The following ABCB4 variants were observed in gnomAD, a reference collection of about 807,000 sequenced individuals.
ABCB4 encodes ATP binding cassette subfamily B member 4.
ABCB4 carries 76 observed loss-of-function variants against 145.7 expected under a neutral mutation model. The observed-to-expected ratio is 0.52, with a 90% CI of 0.43 to 0.63. ABCB4 has a LOEUF of 0.63. Ranked by LOEUF, ABCB4 falls within the 30% of genes least tolerant of loss-of-function variation. The pLI is 0.00. For missense variants in ABCB4, 1,234 were observed against 1,553.1 expected (o/e 0.79, Z 3.45); for synonymous variants, 517 against 566.8 (o/e 0.91, Z 1.25).
the ABCB4 span, chr7:87,381,831 C>A: frequency 1.1e-6 from 1 of 945,282 alleles, no homozygotes; most frequent in Non-Finnish European, 1.6e-6. Flanking sequence ...TAAGAATGGA[C>A]ACAAAGTGAA....
chr7:87,384,403 A>T, the ABCB4 span, among the ~76,000 whole-genome samples: 1 of 152,222 alleles, frequency 6.6e-6, no homozygotes, highest in East Asian at 1.9e-4. Context: ...GTAGGGGCAC[A>T]TATCTGTACC....
chr7:87,443,406 C>T lies in ABCB4; in HGVS notation c.1269G>A (p.Gln423=), dbSNP rs762940965. The T allele has an allele frequency of 1.9e-6, 3 of 1,614,096 alleles. No individual in the cohort carries two copies. Among genetic ancestry groups the T allele is most frequent in the Non-Finnish European group, 2.5e-6 (3 of 1,180,014 alleles). The change falls in exon 12 of 28, where the codon CAG becomes CAA. Residue 423 remains glutamine, a synonymous_variant. Coordinates refer to ENST00000649586, the MANE Select transcript of ABCB4 (RefSeq NM_000443.4). ...KGLNLKVQSG[Q]TVALVGSSGC... ...CACTACTTCCAACCAGGGCCACCGT[C>T]TGCCCACTCTGCACCTTCAGGTTGA... is the stretch of plus-strand genomic sequence containing the variant.
intron 4 of ABCB4, among the ~76,000 whole-genome samples, chr7:87,454,994 C>T (rs1472636651): frequency 4.1e-5 from 6 of 147,242 alleles, no homozygotes; most frequent in African/African-American, 1.6e-4. Flanking sequence ...ATTTAAGAGG[C>T]ATTTTTTTTT....
intron 4 of ABCB4, among the ~76,000 whole-genome samples, chr7:87,459,325 T>G (rs1261192710): frequency 6.6e-6 from 1 of 152,132 alleles, no homozygotes; most frequent in Non-Finnish European, 1.5e-5. Context: ...CAACCCCTAT[T>G]AACCACCATT....
rs45490091 is a variant in ABCB4, at chr7:87,430,454, G to A, written c.1893+950C>T. Among the ~76,000 whole-genome samples the A allele has an allele frequency of 3.9e-3, 593 of 152,242 alleles. 4 individuals carry two copies. The highest frequency in any genetic ancestry group is 0.013 in the African/African-American group (555 of 41,552). ...CTCAAGTGACTGAGTATAATAACAT[G>A]TCTTAATAATATGAAAAACCAATCA... On this transcript the variant is annotated intron_variant, in intron 15 of 27. Coordinates refer to ENST00000649586, the MANE Select transcript of ABCB4 (RefSeq NM_000443.4).
At chr7:87,440,481 C>T in intron 12 of ABCB4, 79 bp from the exon 13 acceptor site, 2 of 1,220,724 alleles carry the variant, frequency 1.6e-6, no homozygotes, top group East Asian at 2.5e-5. Context: ...GAAAAACATC[C>T]TACCTAATAT....
At chr7:87,443,190 G>A (rs1386086727) in intron 12 of ABCB4, 129 bp downstream of exon 12, 18 of 1,177,064 alleles carry the variant, frequency 1.5e-5, no homozygotes, top group South Asian at 4.9e-5. Context: ...ATTATCCATC[G>A]GCATTGCCAT....
rs772833262 is a variant in ABCB4 at position 87,411,993 on chromosome 7, T to C, written c.2824A>G (p.Ser942Gly). ...QKAHIYGITF[S>G]ISQAFMYFSY... Reference sequence around the variant, plus strand: ...AAATACATAAATGCTTGTGAGATACTAAAAGTAATTCCATAGATGTGTGCC... The same window carrying C: ...AAATACATAAATGCTTGTGAGATACCAAAAGTAATTCCATAGATGTGTGCC... Residue 942 changes from serine (S) to glycine (G), a missense_variant, in exon 23 of 28, where the codon AGT (serine) becomes GGT (glycine). Transcript: ENST00000649586. The C allele has an allele frequency of 6.2e-7, 1 of 1,613,890 alleles. No homozygotes were observed. The highest frequency in any genetic ancestry group is 8.5e-7 in the Non-Finnish European group (1 of 1,179,808).
chr7:87,444,899 C>T lies in ABCB4; in HGVS notation c.1082G>A (p.Arg361Lys). Residue 361 changes from arginine (R) to lysine (K), a missense_variant, in exon 10 of 28, where the codon AGA (arginine) becomes AAA (lysine). By Grantham distance (26) the Arg-to-Lys change is conservative. Coordinates refer to ENST00000649586, the MANE Select transcript of ABCB4 (RefSeq NM_000443.4). ...ATCAAAGATCACATATGCTGCTCCT[C>T]TTGCATTGGCAAAAGCATCAATACA... ...APCIDAFANA[R>K]GAAYVIFDII... 1 of 1,609,422 alleles carries T rather than the reference C, an allele frequency of 6.2e-7. No individual in the cohort carries two copies. The highest frequency in any genetic ancestry group is 8.5e-7 in the Non-Finnish European group (1 of 1,179,478).
intron 7 of ABCB4, among the ~76,000 whole-genome samples, chr7:87,450,458 T>C (rs1811637016): frequency 6.6e-6 from 1 of 151,430 alleles, no homozygotes; most frequent in African/African-American, 2.4e-5. Context: ...CTTAACTTTA[T>C]TGTGTCACAA....
chr7:87,436,959 C>G (rs1186954593), intron 14 of ABCB4, among the ~76,000 whole-genome samples: 1 of 152,182 alleles, frequency 6.6e-6, no homozygotes, highest in Non-Finnish European at 1.5e-5. Flanking sequence ...ACATGCAGAT[C>G]TTCAGATACT....
At position 87,446,993 on chromosome 7, in the gene ABCB4, A is replaced by C. The variant is rs368679076; in HGVS notation, c.1005+41T>G. On this transcript the variant is annotated intron_variant, in intron 9 of 27. Transcript: ENST00000649586. The stretch of plus-strand genomic sequence containing the variant: ...AAAAGAGAAGGTAGATGGAGAAATA[A>C]GATTTTCATATTCTTCATAAATGTT... 118 of 1,535,536 alleles carry C rather than the reference A, an allele frequency of 7.7e-5. No individual in the cohort carries two copies. The Middle Eastern group carries it at 1.4e-3, about 18-fold the overall frequency.
At chr7:87,470,022 T>C (rs920510567) in intron 3 of ABCB4, among the ~76,000 whole-genome samples, 3 of 152,074 alleles carry the variant, frequency 2.0e-5, no homozygotes, top group Admixed American at 6.5e-5. Context: ...AAAACAGAGA[T>C]ATAGACCAAT....
intron 3 of ABCB4, among the ~76,000 whole-genome samples, chr7:87,463,559 C>T (rs1812613054): frequency 6.6e-6 from 1 of 152,120 alleles, no homozygotes. Flanking sequence ...AGGGAGTTCG[C>T]TGGAGAAGAA....
chr7:87,399,308 C>T (rs901723090), downstream of ABCB4: 9 of 152,306 alleles, frequency 5.9e-5, no homozygotes, highest in African/African-American at 2.2e-4. Context: ...GGTCCTGTCT[C>T]TACAAGATCA....
Position 87,417,298 on chromosome 7 carries a change from C to A in ABCB4, c.2682+14G>T. On this transcript the variant is annotated intron_variant, in intron 21 of 27. Coordinates refer to ENST00000649586, the MANE Select transcript of ABCB4 (RefSeq NM_000443.4). ...AACAACACTTAACACCAATTGAAAT[C>A]TTATTTGACCTACCTTTCCAGCAGC... 6.2e-7 allele frequency: 1 copy of A among 1,613,272 alleles called. No homozygotes were observed. Among genetic ancestry groups the A allele is most frequent in the South Asian group, 1.1e-5 (1 of 91,030 alleles).
intron 9 of ABCB4, among the ~76,000 whole-genome samples, chr7:87,446,548 T>G (rs1013324307): frequency 6.6e-6 from 1 of 152,176 alleles, no homozygotes; most frequent in African/African-American, 2.4e-5. Context: ...GTATATATTA[T>G]TTTAACAATC....
chr7:87,423,931 G>A lies in ABCB4; in HGVS notation c.2186C>T (p.Ser729Leu), dbSNP rs970324585. 6.2e-6 allele frequency: 10 copies of A among 1,613,968 alleles called. No homozygotes were observed. Among genetic ancestry groups the A allele is most frequent in the Non-Finnish European group, 7.6e-6 (9 of 1,179,976 alleles). ...IANGGLQPAF[S>L]VIFSEIIAIF... Reference sequence around the variant, plus strand: ...CGCTATGATCTCTGAGAATATGACTGAAAATGCCGGCTGAAGCCCCCCATT... The same window carrying A: ...CGCTATGATCTCTGAGAATATGACTAAAAATGCCGGCTGAAGCCCCCCATT... The change falls in exon 17 of 28, where the codon TCA (serine) becomes TTA (leucine). Residue 729 changes from serine to leucine, a missense_variant. Coordinates refer to ENST00000649586, the MANE Select transcript of ABCB4 (RefSeq NM_000443.4).
chr7:87,462,020 G>A (rs949911790), intron 4 of ABCB4, among the ~76,000 whole-genome samples: 6 of 152,164 alleles, frequency 3.9e-5, no homozygotes, highest in African/African-American at 1.2e-4. Flanking sequence ...TGCCCACAAG[G>A]TCTCTTAGAG....
Sources: allele counts gnomAD v4.1 joint callset (sites outside exome capture counted in the v4.1 genomes callset), GRCh38; gene constraint gnomAD v4.1.1; transcripts MANE v1.5; gene names NCBI Gene and HGNC (gene_info 2026-07-23, HGNC 2026-07-21).